Variants in EPHA3 observed in about 807,000 individuals in gnomAD.
EPHA3 encodes ephrin type-A receptor 3.
A neutral mutation model predicts 107.1 loss-of-function variants in EPHA3; 42 were observed. That is an observed-to-expected ratio of 0.39 (90% CI 0.31 to 0.51). The LOEUF is 0.51. EPHA3 is among the 20% of genes least tolerant of loss of function. The pLI is 0.78. For synonymous variants in EPHA3, 461 were observed against 424.8 expected (o/e 1.09, Z -1.05); for missense variants, 1,183 against 1,211.2 (o/e 0.98, Z 0.35).
At chr3:89,113,485 CAAA>C (rs753848304) in intron 1 of EPHA3, among the ~76,000 whole-genome samples, 524 of 30,952 alleles carry the variant, frequency 0.017, no homozygotes, top group East Asian at 0.026. Flanking sequence ...TTCCTTTGTA[CAAA>C]AAAAAAAAAA....
At chr3:89,393,467 A>G (rs1343468034) in intron 5 of EPHA3, among the ~76,000 whole-genome samples, 2 of 152,176 alleles carry the variant, frequency 1.3e-5, no homozygotes, top group African/African-American at 2.4e-5. Context: ...TTTTTAAAGG[A>G]GAGATGCTGT....
chr3:89,258,957 A>G (rs1705350835), intron 3 of EPHA3, among the ~76,000 whole-genome samples: 1 of 152,158 alleles, frequency 6.6e-6, no homozygotes, highest in Non-Finnish European at 1.5e-5. Context: ...AAGTCAATGT[A>G]TGGGAAATCT....
intron 3 of EPHA3, among the ~76,000 whole-genome samples, chr3:89,292,303 T>G (rs1207315582): frequency 2.0e-5 from 3 of 152,182 alleles, no homozygotes; most frequent in African/African-American, 4.8e-5. Context: ...TAACTACTAT[T>G]TCCATATCAT....
intron 3 of EPHA3, among the ~76,000 whole-genome samples, chr3:89,249,142 A>G (rs1705104288): frequency 6.6e-6 from 1 of 152,106 alleles, no homozygotes; most frequent in Admixed American, 6.6e-5. Context: ...TTGCTTCTTC[A>G]TTTGCCTATT....
intron 1 of EPHA3, 62 bp from the exon 2 acceptor site, chr3:89,127,147 C>G (rs1428743220): frequency 7.6e-7 from 1 of 1,321,654 alleles, no homozygotes; most frequent in Non-Finnish European, 1.1e-6. Context: ...GTGAACTCAA[C>G]AGAAGCAAAT....
intron 3 of EPHA3, among the ~76,000 whole-genome samples, chr3:89,296,413 C>T (rs1289544077): frequency 6.6e-6 from 1 of 152,188 alleles, no homozygotes; most frequent in Admixed American, 6.5e-5. Context: ...TTTGTATGTA[C>T]ATCTTCCTCA....
intron 3 of EPHA3, among the ~76,000 whole-genome samples, chr3:89,264,391 G>A (rs13097740): frequency 0.26 from 39,202 of 151,784 alleles, 5,992 homozygotes; most frequent in African/African-American, 0.44. Flanking sequence ...TTGATGTTCA[G>A]TCCTATGAAT....
intron 5 of EPHA3, among the ~76,000 whole-genome samples, chr3:89,376,306 T>C (rs1391601208): frequency 6.6e-6 from 1 of 151,666 alleles, no homozygotes; most frequent in African/African-American, 2.4e-5. Context: ...TATATAATGA[T>C]TAGTAATTGA....
intron 2 of EPHA3, among the ~76,000 whole-genome samples, chr3:89,176,007 TC>T (rs1705313657): frequency 6.6e-6 from 1 of 152,202 alleles, no homozygotes; most frequent in African/African-American, 2.4e-5. Flanking sequence ...TGTTTAAGTT[TC>T]AGATATTTTT....
intron 2 of EPHA3, among the ~76,000 whole-genome samples, chr3:89,181,015 G>A (rs1705431822): frequency 6.6e-6 from 1 of 151,848 alleles, no homozygotes; most frequent in Non-Finnish European, 1.5e-5. Flanking sequence ...CCAACACATA[G>A]TATGAAAATT....
intron 2 of EPHA3, among the ~76,000 whole-genome samples, chr3:89,141,572 T>C (rs1704431661): frequency 6.6e-6 from 1 of 151,622 alleles, no homozygotes; most frequent in African/African-American, 2.4e-5. Context: ...AGTTATGGAT[T>C]GCCTTGCTAA....
At chr3:89,397,201 C>A (rs1708867307) in intron 6 of EPHA3, among the ~76,000 whole-genome samples, 1 of 152,024 alleles carries the variant, frequency 6.6e-6, no homozygotes, top group African/African-American at 2.4e-5. Context: ...TAGAGTATAT[C>A]TTTTTTATTA....
chr3:89,367,792 C>T (rs1708212374), intron 5 of EPHA3, among the ~76,000 whole-genome samples: 1 of 150,610 alleles, frequency 6.6e-6, no homozygotes, highest in Non-Finnish European at 1.5e-5. Context: ...CTGCAAGACT[C>T]AGACTAAGTG....
rs1710626413 is a variant in EPHA3, at chr3:89,481,881, A to G, written c.*2379A>G. ...TTATGTACCATATGATCTGTTTTGT[A>G]TCTTAAATTTGATTTACATATATTA... On this transcript the variant is annotated 3_prime_UTR_variant, in exon 17 of 17. Transcript: ENST00000336596. 1 of 230,440 alleles carries G rather than the reference A, an allele frequency of 4.3e-6. No homozygotes were observed. The allele number at this position is 230,440 out of a possible 1,614,324, so 14.3% of individuals were successfully genotyped here. A position where few individuals can be genotyped will look rare whatever the true frequency, so the allele number is the denominator to read the frequency against.
Position 89,351,787 on chromosome 3 carries a change from A to G in EPHA3, c.1306+9697A>G, listed in dbSNP as rs1707826453. On this transcript the variant is annotated intron_variant, in intron 5 of 16. Coordinates refer to ENST00000336596, the MANE Select transcript of EPHA3 (RefSeq NM_005233.6). Reference sequence around the variant, plus strand: ...CTAGTCAACTTTTGTTCATTGTTTCACTCATATCCAAATGGCAAAAACAAA... The same window carrying G: ...CTAGTCAACTTTTGTTCATTGTTTCGCTCATATCCAAATGGCAAAAACAAA... Among the ~76,000 whole-genome samples, 3 of 151,140 alleles carry G rather than the reference A, an allele frequency of 2.0e-5. No individual in the cohort carries two copies. In the Admixed American group the frequency reaches 2.0e-4, roughly 10 times the overall value.
intron 2 of EPHA3, among the ~76,000 whole-genome samples, chr3:89,187,399 T>G (rs1277474262): frequency 1.3e-5 from 2 of 149,190 alleles, no homozygotes; most frequent in Non-Finnish European, 3.0e-5. Context: ...ACATATTTAT[T>G]TATATATTAT....
chr3:89,317,715 A>G (rs1357549940), intron 3 of EPHA3, among the ~76,000 whole-genome samples: 1 of 151,778 alleles, frequency 6.6e-6, no homozygotes, highest in Non-Finnish European at 1.5e-5. Context: ...TTATATTAAT[A>G]TATTCTATCC....
intron 3 of EPHA3, among the ~76,000 whole-genome samples, chr3:89,256,804 G>C (rs1331632639): frequency 6.6e-6 from 1 of 152,006 alleles, no homozygotes; most frequent in African/African-American, 2.4e-5. Context: ...GAAATCCATG[G>C]GTAACATAGT....
Position 89,407,357 on chromosome 3 carries a change from T to C in EPHA3, c.1683T>C (p.Tyr561=). ...TTATTCTCCTCACTGTTGTCATCTA[T>C]GTTTTGATTGGGAGGTGAGTTCACA... ...VAIILLTVVI[Y]VLIGRFCGYK... is the part of the protein sequence containing the mutation. Residue 561 remains tyrosine, a synonymous_variant, in exon 8 of 17, where the codon TAT becomes TAC. Transcript: ENST00000336596. 1 of 1,613,340 alleles carries C rather than the reference T, an allele frequency of 6.2e-7. No individual in the cohort carries two copies. The highest frequency in any genetic ancestry group is 2.2e-5 in the East Asian group (1 of 44,842).
Sources: allele counts gnomAD v4.1 joint callset (sites outside exome capture counted in the v4.1 genomes callset), GRCh38; gene constraint gnomAD v4.1.1; transcripts MANE v1.5; gene names NCBI Gene and HGNC (gene_info 2026-07-23, HGNC 2026-07-21).